GNL3L: variants seen among roughly 807,000 people sequenced by gnomAD.
GNL3L encodes the protein G protein nucleolar 3 like, also known as guanine nucleotide-binding protein-like 3-like protein.
GNL3L carries 4 observed loss-of-function variants against 42.9 expected under a neutral mutation model. The ratio of observed to expected loss-of-function variants is 0.09; its 90% CI spans 0.05 to 0.21. The LOEUF (loss-of-function observed/expected upper bound fraction) is 0.21, where lower values mean the gene tolerates loss of function less well. GNL3L is among the 10% of genes least tolerant of loss of function. GNL3L has a pLI of 1.00. For synonymous variants in GNL3L, 159 were observed against 176.3 expected (o/e 0.90, Z 0.78); for missense variants, 412 against 481.7 (o/e 0.86, Z 1.36).
intron 1 of GNL3L, among the ~76,000 whole-genome samples, chrX:54,531,966 A>G (rs1207978301): frequency 4.5e-5 from 5 of 110,221 alleles, no homozygotes; most frequent in Non-Finnish European, 7.6e-5. Context: ...ATCTCAATCC[A>G]TATAGACACT....
intron 7 of GNL3L, 24 bp downstream of exon 7, chrX:54,543,366 G>A: frequency 8.3e-7 from 1 of 1,205,757 alleles, no homozygotes; most frequent in East Asian, 3.0e-5. Context: ...AGGATTGGGT[G>A]TGACAGGGAA....
rs781050502 is a variant in GNL3L at position 54,558,496 on chromosome X, C to T, written c.1507C>T (p.Arg503Cys). The change falls in exon 15 of 16, where the codon CGC (arginine) becomes TGC (cysteine). Residue 503 changes from arginine to cysteine, a missense_variant. Transcript: ENST00000360845. ...PNRHQMGWAK[R>C]NVDHRPKSNS... ...CCGTCATCAGATGGGGTGGGCTAAACGCAATGTGGACCACCGCCCTAAGAG... is the reference window on the plus strand; with the variant it reads ...CCGTCATCAGATGGGGTGGGCTAAATGCAATGTGGACCACCGCCCTAAGAG... 13 of 1,206,728 alleles carry T rather than the reference C, an allele frequency of 1.1e-5. No individual in the cohort carries two copies. The highest frequency in any genetic ancestry group is 6.6e-5 in the Admixed American group (3 of 45,615).
intron 8 of GNL3L, among the ~76,000 whole-genome samples, chrX:54,547,271 C>T (rs1042292577): frequency 5.4e-5 from 6 of 110,622 alleles, no homozygotes; most frequent in Non-Finnish European, 1.1e-4. Context: ...TGCTGGATTA[C>T]AGGAATGAGC....
chrX:54,549,002 G>A (rs1191304839), intron 9 of GNL3L, among the ~76,000 whole-genome samples: 1 of 111,203 alleles, frequency 9.0e-6, no homozygotes, highest in African/African-American at 3.3e-5. Flanking sequence ...CATGTAAAGA[G>A]GGAGATACAA....
intron 9 of GNL3L, among the ~76,000 whole-genome samples, chrX:54,550,466 A>G (rs781370132): frequency 2.0e-3 from 220 of 111,635 alleles, no homozygotes; most frequent in Admixed American, 3.1e-3. Flanking sequence ...AATGAGGCCC[A>G]GTGAGGGGAA....
intron 16 of GNL3L, among the ~76,000 whole-genome samples, chrX:54,582,510 G>A (rs1162601075): frequency 1.8e-5 from 2 of 112,172 alleles, no homozygotes; most frequent in African/African-American, 6.5e-5. Context: ...CCAGCATTTG[G>A]TGTTGTCATT....
At chrX:54,630,662 T>TTTCCTTCCTTCCTTCCTTCCTTCC in the GNL3L span, among the ~76,000 whole-genome samples, 400 of 53,270 alleles carry the variant, frequency 7.5e-3, 8 homozygotes, top group African/African-American at 0.014. Flanking sequence ...TTTCTCCTTC[T>TTTCCTTCCTTCCTTCCTTCCTTCC]TTCCTTCCTT....
intron 14 of GNL3L, among the ~76,000 whole-genome samples, chrX:54,556,909 G>T (rs940989002): frequency 9.0e-6 from 1 of 110,842 alleles, no homozygotes; most frequent in Non-Finnish European, 1.9e-5. Flanking sequence ...GGCCGGGCGC[G>T]GTGGCTCATG....
chrX:54,593,545 C>T, intron 16 of GNL3L, among the ~76,000 whole-genome samples: 1 of 107,206 alleles, frequency 9.3e-6, no homozygotes. Flanking sequence ...CAATTTTTAT[C>T]TTCTCCCAAC....
chrX:54,633,982 T>C, the GNL3L span, among the ~76,000 whole-genome samples: 1 of 112,735 alleles, frequency 8.9e-6, no homozygotes, highest in Non-Finnish European at 1.9e-5. Context: ...TGGTGCGAAA[T>C]CAACTGTCAG....
intron 2 of GNL3L, among the ~76,000 whole-genome samples, chrX:54,532,950 C>T (rs920410488): frequency 3.6e-5 from 4 of 111,993 alleles, no homozygotes; most frequent in Admixed American, 9.5e-5. Flanking sequence ...TGAGCCACTG[C>T]GCCCAGCCTT....
downstream of GNL3L, among the ~76,000 whole-genome samples, chrX:54,569,212 G>T (rs987840472): frequency 4.5e-5 from 5 of 111,763 alleles, no homozygotes; most frequent in Non-Finnish European, 5.6e-5. Context: ...TTTATCTTTG[G>T]TATCGGGGTA....
At chrX:54,554,333 A>T (rs1026741575) in intron 13 of GNL3L, among the ~76,000 whole-genome samples, 5 of 111,477 alleles carry the variant, frequency 4.5e-5, no homozygotes, top group Middle Eastern at 4.6e-3. Context: ...TGGAATTCCC[A>T]TTTTCCACAT....
intron 8 of GNL3L, among the ~76,000 whole-genome samples, chrX:54,546,735 C>G (rs954117578): frequency 9.0e-6 from 1 of 111,504 alleles, no homozygotes; most frequent in African/African-American, 3.3e-5. Flanking sequence ...CAACTTCTGC[C>G]TCCTGGGTTC....
chrX:54,616,603 C>G (rs1340732767), intron 16 of GNL3L, among the ~76,000 whole-genome samples: 1 of 111,846 alleles, frequency 8.9e-6, no homozygotes, highest in Non-Finnish European at 1.9e-5. Flanking sequence ...AACCTAACAA[C>G]TCCTTAACAG....
chrX:54,532,364 A>G (rs1311209825), intron 1 of GNL3L, among the ~76,000 whole-genome samples, 156 bp from the exon 2 acceptor site: 1 of 111,055 alleles, frequency 9.0e-6, no homozygotes, highest in African/African-American at 3.3e-5. Flanking sequence ...GGACTCAGCC[A>G]TATGAGGCTT....
At chrX:54,591,592 C>CAA (rs56034612) in intron 16 of GNL3L, among the ~76,000 whole-genome samples, 17 of 62,294 alleles carry the variant, frequency 2.7e-4, no homozygotes, top group Admixed American at 9.5e-4. Flanking sequence ...GACTTTGTCT[C>CAA]AAAAAAAAAA....
intron 14 of GNL3L, among the ~76,000 whole-genome samples, chrX:54,555,166 C>T (rs1004196528): frequency 4.6e-5 from 5 of 109,588 alleles, no homozygotes; most frequent in South Asian, 4.0e-4. Flanking sequence ...GCATGCGCCA[C>T]GACACCCGGC....
chrX:54,573,169 C>G (rs1170959605), intron 16 of GNL3L, among the ~76,000 whole-genome samples: 1 of 112,314 alleles, frequency 8.9e-6, no homozygotes, highest in Non-Finnish European at 1.9e-5. Context: ...GCTGCAATCT[C>G]GGCACTTTGG....
Sources: allele counts gnomAD v4.1 joint callset (sites outside exome capture counted in the v4.1 genomes callset), GRCh38; gene constraint gnomAD v4.1.1; transcripts MANE v1.5; gene names NCBI Gene and HGNC (gene_info 2026-07-23, HGNC 2026-07-21).